The following CACNA1D variants were observed in gnomAD, a reference collection of about 807,000 sequenced individuals.
CACNA1D encodes voltage-dependent L-type calcium channel subunit alpha-1D.
CACNA1D carries 55 observed loss-of-function variants against 257.1 expected under a neutral mutation model. That is an observed-to-expected ratio of 0.21 (90% CI 0.17 to 0.27). The LOEUF (loss-of-function observed/expected upper bound fraction) is 0.27, where lower values mean the gene tolerates loss of function less well. Ranked by LOEUF, CACNA1D falls within the 10% of genes least tolerant of loss-of-function variation. CACNA1D has a pLI of 1.00. For synonymous variants in CACNA1D, 980 were observed against 1,014.9 expected (o/e 0.97, Z 0.65); for missense variants, 1,876 against 2,784.0 (o/e 0.67, Z 7.34).
At chr3:53,675,620 G>A (rs1002890493) in intron 8 of CACNA1D, among the ~76,000 whole-genome samples, 10 of 151,986 alleles carry the variant, frequency 6.6e-5, no homozygotes, top group African/African-American at 1.5e-4. Context: ...AAAGATGGGC[G>A]GGGGGGCTTC....
intron 8 of CACNA1D, among the ~76,000 whole-genome samples, chr3:53,684,621 C>CAAAAAAAAAAAAAAAAAAAAAAAAAAAA (rs60026644): frequency 3.5e-5 from 3 of 84,508 alleles, no homozygotes; most frequent in African/African-American, 5.3e-5. Context: ...GAAACTCTGT[C>CAAAAAAAAAAAAAAAAAAAAAAAAAAAA]AAAAAAAAAA....
At chr3:53,608,138 T>A (rs191294644) in intron 3 of CACNA1D, among the ~76,000 whole-genome samples, 1 of 152,334 alleles carries the variant, frequency 6.6e-6, no homozygotes. Flanking sequence ...ACATGTATAT[T>A]TCTCATAATT....
chr3:53,595,250 C>T (rs560239399), intron 3 of CACNA1D, among the ~76,000 whole-genome samples: 1 of 152,338 alleles, frequency 6.6e-6, no homozygotes, highest in South Asian at 2.1e-4. Flanking sequence ...CTTGTTTTCA[C>T]AGTGCCCTGT....
At chr3:53,529,383 A>G (rs187804430) in intron 3 of CACNA1D, among the ~76,000 whole-genome samples, 2 of 152,238 alleles carry the variant, frequency 1.3e-5, no homozygotes, top group Admixed American at 6.5e-5. Flanking sequence ...TCCTTTTTAT[A>G]TATTGAGGGA....
chr3:53,566,342 C>G (rs1372514086), intron 3 of CACNA1D, among the ~76,000 whole-genome samples: 1 of 152,170 alleles, frequency 6.6e-6, no homozygotes, highest in Non-Finnish European at 1.5e-5. Flanking sequence ...AGCATTTGCT[C>G]TCCTCTTCCT....
chr3:53,734,939 G>C (rs919110087), intron 19 of CACNA1D, among the ~76,000 whole-genome samples: 7 of 152,154 alleles, frequency 4.6e-5, no homozygotes, highest in African/African-American at 1.7e-4. Context: ...GGGCAGGCCT[G>C]GCCTCAGTTT....
At chr3:53,722,025 C>T (rs1013918257) in intron 11 of CACNA1D, among the ~76,000 whole-genome samples, 6 of 152,324 alleles carry the variant, frequency 3.9e-5, no homozygotes, top group African/African-American at 1.4e-4. Flanking sequence ...TTTTCTAACC[C>T]ACTTAAGGGC....
intron 3 of CACNA1D, among the ~76,000 whole-genome samples, chr3:53,540,302 T>C (rs2092263312): frequency 6.6e-6 from 1 of 150,718 alleles, no homozygotes. Context: ...TTTTTTTTTC[T>C]AATGGTAGAG....
chr3:53,592,043 G>A (rs1221009082), intron 3 of CACNA1D, among the ~76,000 whole-genome samples: 1 of 152,228 alleles, frequency 6.6e-6, no homozygotes, highest in Non-Finnish European at 1.5e-5. Flanking sequence ...TTCAATGAGA[G>A]TTCCTGAGCA....
At chr3:53,674,124 A>G in intron 8 of CACNA1D, 1 of 491,028 alleles carries the variant, frequency 2.0e-6, no homozygotes, top group East Asian at 3.9e-5. Context: ...GGTCTCCCCC[A>G]GGAAAGAGGC....
intron 9 of CACNA1D, among the ~76,000 whole-genome samples, chr3:53,714,050 A>G (rs1336435155): frequency 6.6e-6 from 1 of 152,202 alleles, no homozygotes; most frequent in Non-Finnish European, 1.5e-5. Context: ...ATCCTCTCAC[A>G]GGTCACAGGC....
rs188387112 is a variant in CACNA1D at position 53,688,532 on chromosome 3, T to C, written c.1221-14109T>C. On this transcript the variant is annotated intron_variant, in intron 8 of 47. Transcript: ENST00000350061. ...GGGCCTGGATAAACGGGAAGACCTT[T>C]CCAAGTATGTGGGAGCTCCACACTG... 1.2e-4 allele frequency among the ~76,000 whole-genome samples: 19 copies of C among 152,300 alleles called. No individual in the cohort carries two copies. The East Asian group carries it at 3.5e-3, about 28-fold the overall frequency.
At chr3:53,710,133 C>A (rs1211538943) in intron 9 of CACNA1D, among the ~76,000 whole-genome samples, 1 of 152,200 alleles carries the variant, frequency 6.6e-6, no homozygotes, top group Non-Finnish European at 1.5e-5. Context: ...ACCCTGGAAA[C>A]CTTTATCTAG....
intron 10 of CACNA1D, 70 bp downstream of exon 10, chr3:53,718,458 G>A (rs1195827533): frequency 4.6e-5 from 66 of 1,422,750 alleles, no homozygotes; most frequent in Non-Finnish European, 5.7e-5. Context: ...GAGGAAGACC[G>A]CCCAGGCTGC....
At chr3:53,758,981 C>T (rs942550429) in intron 29 of CACNA1D, among the ~76,000 whole-genome samples, 2 of 152,146 alleles carry the variant, frequency 1.3e-5, no homozygotes, top group African/African-American at 4.8e-5. Flanking sequence ...AATAGGGAAA[C>T]AGTATGTGGG....
intron 3 of CACNA1D, among the ~76,000 whole-genome samples, chr3:53,648,881 T>C (rs3774515): frequency 0.19 from 29,091 of 151,608 alleles, 3,865 homozygotes; most frequent in East Asian, 0.58. Context: ...ACTAGACTGT[T>C]ATAATGGTGT....
intron 4 of CACNA1D, among the ~76,000 whole-genome samples, chr3:53,658,007 ATTAC>A (rs1363713659): frequency 5.9e-5 from 9 of 152,208 alleles, no homozygotes; most frequent in Non-Finnish European, 8.8e-5. Context: ...TTCAGGCTCT[ATTAC>A]TTAAGCTTTT....
chr3:53,664,156 T>C (rs2094236042), intron 5 of CACNA1D, among the ~76,000 whole-genome samples: 1 of 152,168 alleles, frequency 6.6e-6, no homozygotes, highest in Admixed American at 6.5e-5. Context: ...ACCAACATCA[T>C]ACTTAACAAG....
At chr3:53,589,476 C>G (rs2093271127) in intron 3 of CACNA1D, among the ~76,000 whole-genome samples, 1 of 152,270 alleles carries the variant, frequency 6.6e-6, no homozygotes, top group South Asian at 2.1e-4. Flanking sequence ...GTGTATGAAT[C>G]AAGGTCGGCC....
Sources: allele counts gnomAD v4.1 joint callset (sites outside exome capture counted in the v4.1 genomes callset), GRCh38; gene constraint gnomAD v4.1.1; transcripts MANE v1.5; gene names NCBI Gene and HGNC (gene_info 2026-07-23, HGNC 2026-07-21).